RIPOR3: variants seen among roughly 807,000 people sequenced by gnomAD.
The protein encoded by RIPOR3 is RIPOR family member 3.
RIPOR3 carries 95 observed loss-of-function variants against 114.3 expected under a neutral mutation model. The observed-to-expected ratio is 0.83, with a 90% CI of 0.70 to 0.99. The LOEUF (loss-of-function observed/expected upper bound fraction) is 0.99. Among genes scored for constraint, RIPOR3 ranks in the 50% least tolerant of loss-of-function variants. The pLI is 0.00. For synonymous variants in RIPOR3, 575 were observed against 543.8 expected (o/e 1.06, Z -0.80); for missense variants, 1,252 against 1,266.9 (o/e 0.99, Z 0.18).
At chr20:50,591,225 T>C (rs145337621) in intron 19 of RIPOR3, among the ~76,000 whole-genome samples, 117 of 152,326 alleles carry the variant, frequency 7.7e-4, no homozygotes, top group African/African-American at 2.6e-3. Flanking sequence ...GGCTTGGAAA[T>C]TTGAACATAA....
intron 1 of RIPOR3, among the ~76,000 whole-genome samples, chr20:50,653,756 C>T (rs1361115735): frequency 6.6e-6 from 1 of 151,922 alleles, no homozygotes; most frequent in Non-Finnish European, 1.5e-5. Context: ...CACTTGGCTA[C>T]TTTTTGAATT....
At chr20:50,611,002 G>C in intron 5 of RIPOR3, 96 bp from the exon 6 acceptor site, 1 of 579,536 alleles carries the variant, frequency 1.7e-6, no homozygotes, top group African/African-American at 7.0e-5. Context: ...CTAACTCAGA[G>C]AATGGGGCCC....
rs1396467110 is a variant in RIPOR3, at chr20:50,596,343, A to C, written c.1791-80T>G. The stretch of plus-strand genomic sequence containing the variant: ...GAGGGTGGGGGAACCCTCCCTTCCC[A>C]GCGAGCCCCAGGTCAGGAGGCCCAC... On this transcript the variant is annotated intron_variant, in intron 14 of 21. Coordinates refer to ENST00000327979, the MANE Select transcript of RIPOR3 (RefSeq NM_001290268.2). 7 of 1,583,764 alleles carry C rather than the reference A, an allele frequency of 4.4e-6. No homozygotes were observed. In the East Asian group the frequency reaches 1.1e-4, roughly 25 times the overall value.
chr20:50,598,686 C>G (rs2083388411), intron 13 of RIPOR3, among the ~76,000 whole-genome samples: 1 of 152,132 alleles, frequency 6.6e-6, no homozygotes, highest in Admixed American at 6.5e-5. Context: ...GGGCAGATCA[C>G]TTGAGGTCAG....
chr20:50,623,154 G>A (rs776227101), intron 2 of RIPOR3, among the ~76,000 whole-genome samples: 10 of 151,620 alleles, frequency 6.6e-5, no homozygotes, highest in Non-Finnish European at 7.4e-5. Flanking sequence ...CCAGCTACTC[G>A]GGAGGCTGAG....
chr20:50,682,609 A>T (rs2086892800), intron 1 of RIPOR3, among the ~76,000 whole-genome samples: 1 of 13,388 alleles, frequency 7.5e-5, no homozygotes, highest in Admixed American at 1.3e-3. Flanking sequence ...CCTGTCTCAA[A>T]ATATGTGTGT....
At chr20:50,595,218 G>A in intron 16 of RIPOR3, 151 bp downstream of exon 16, 1 of 974,038 alleles carries the variant, frequency 1.0e-6, no homozygotes, top group Non-Finnish European at 1.5e-6. Context: ...CCCACAAAGA[G>A]TGTGTATCTC....
intron 1 of RIPOR3, 109 bp downstream of exon 1, chr20:50,691,017 A>C: frequency 7.9e-7 from 1 of 1,263,632 alleles, no homozygotes; most frequent in South Asian, 1.2e-5. Context: ...TGGGAGCTCC[A>C]GGTGGCCTGT....
intron 1 of RIPOR3, among the ~76,000 whole-genome samples, chr20:50,632,144 A>G (rs1211903383): frequency 6.6e-6 from 1 of 152,086 alleles, no homozygotes; most frequent in Non-Finnish European, 1.5e-5. Flanking sequence ...AGATCTGTGC[A>G]GCCTCCACAA....
chr20:50,609,704 C>G lies in RIPOR3; in HGVS notation c.445G>C (p.Asp149His). 7.2e-7 allele frequency: 1 copy of G among 1,381,500 alleles called. No individual in the cohort carries two copies. Among genetic ancestry groups the G allele is most frequent in the Non-Finnish European group, 9.4e-7 (1 of 1,065,838 alleles). The allele number at this position is 1,381,500 out of a possible 1,614,324, so 85.6% of individuals were successfully genotyped here. A position where few individuals can be genotyped will look rare whatever the true frequency, so the allele number is the denominator to read the frequency against. ...HISKVDELYEDYCIQCRLRDG... is the reference protein window; with the variant it reads ...HISKVDELYEHYCIQCRLRDG... ...CGCAGGCGGCACTGGATGCAGTAGT[C>G]CTCGTACAGCTCATCCACCTGTGGT... The change falls in exon 7 of 22, where the codon GAC (aspartate) becomes CAC (histidine). Residue 149 changes from aspartate (D) to histidine (H), a missense_variant. Asp to His is a moderately conservative substitution (Grantham distance 81). Coordinates refer to ENST00000327979, the MANE Select transcript of RIPOR3 (RefSeq NM_001290268.2).
intron 13 of RIPOR3, among the ~76,000 whole-genome samples, chr20:50,598,191 A>T (rs1156864478): frequency 6.6e-6 from 1 of 150,908 alleles, no homozygotes. Context: ...GGTGTAGGTC[A>T]GGCAAACGCT....
At chr20:50,641,586 C>T (rs1446058940) in intron 1 of RIPOR3, among the ~76,000 whole-genome samples, 4 of 152,152 alleles carry the variant, frequency 2.6e-5, no homozygotes, top group Non-Finnish European at 4.4e-5. Context: ...CCAAGATGCT[C>T]GGTGCCCAGG....
rs73272565 is a variant in RIPOR3, at chr20:50,609,830, C to T, written c.427-108G>A. The T allele has an allele frequency of 1.5e-3, 1,948 of 1,263,064 alleles. 30 individuals are homozygous for T. In the African/African-American group the frequency reaches 0.026, roughly 17 times the overall value. The allele number at this position is 1,263,064 out of a possible 1,614,324, so 78.2% of individuals were successfully genotyped here. On this transcript the variant is annotated intron_variant, in intron 6 of 21. Transcript: ENST00000327979. ...GAGGCCCTCCCTGAGCTAAGCACCC[C>T]GCTAGCCCAGCCCATGGTGACAGTC... is the stretch of plus-strand genomic sequence containing the variant.
At position 50,610,912 on chromosome 20, in the gene RIPOR3, C is replaced by T. The variant is rs767315954; in HGVS notation, c.373-6G>A. On this transcript the variant is annotated splice_region_variant and splice_polypyrimidine_tract_variant and intron_variant, in intron 5 of 21. Coordinates refer to ENST00000327979, the MANE Select transcript of RIPOR3 (RefSeq NM_001290268.2). ...CTTTCCACACAGCGCGTTTGCTTCT[C>T]CCGGAAAAAGGGAAGATGTTTGCAA... 4 of 1,614,050 alleles carry T rather than the reference C, an allele frequency of 2.5e-6. No homozygotes were observed. Among genetic ancestry groups the T allele is most frequent in the Non-Finnish European group, 3.4e-6 (4 of 1,180,024 alleles).
chr20:50,671,422 GCGCGCGCA>G (rs1468430860), intron 1 of RIPOR3, among the ~76,000 whole-genome samples: 370 of 18,884 alleles, frequency 0.02, 2 homozygotes, highest in African/African-American at 0.03. Context: ...GCGTGCACGC[GCGCGCGCA>G]CACACACACA....
intron 1 of RIPOR3, among the ~76,000 whole-genome samples, chr20:50,652,572 CAGAG>C (rs1338036958): frequency 9.1e-6 from 1 of 110,140 alleles, no homozygotes; most frequent in Non-Finnish European, 1.7e-5. Context: ...GCCTGGGCGA[CAGAG>C]AGAGATTCTG....
rs143013847 is a variant in RIPOR3 at position 50,630,215 on chromosome 20, G to A, written c.122+523C>T. On this transcript the variant is annotated intron_variant, in intron 2 of 21. Transcript: ENST00000327979. ...ACTTCTGACCTCAAGTGATCCGCCCGCCTTGGACTCCCAAAGTGCTAGGAT... is the reference window on the plus strand; with the variant it reads ...ACTTCTGACCTCAAGTGATCCGCCCACCTTGGACTCCCAAAGTGCTAGGAT... Among the ~76,000 whole-genome samples the A allele has an allele frequency of 6.4e-3, 974 of 152,208 alleles. 4 individuals are homozygous for A. Among genetic ancestry groups the A allele is most frequent in the Non-Finnish European group, 0.011 (779 of 68,014 alleles).
Position 50,588,765 on chromosome 20 carries a change from A to G in RIPOR3, c.2662-873T>C, listed in dbSNP as rs569948997. On this transcript the variant is annotated intron_variant, in intron 20 of 21. Coordinates refer to ENST00000327979, the MANE Select transcript of RIPOR3 (RefSeq NM_001290268.2). ...TTCTCAAGTGAAAAAAAAAAAAAAA[A>G]AAAGAAAAAAAACACCACAAATAAA... Among the ~76,000 whole-genome samples the G allele has an allele frequency of 1.1e-3, 165 of 150,696 alleles. 2 individuals carry two copies. Among genetic ancestry groups the G allele is most frequent in the African/African-American group, 2.9e-3 (120 of 40,886 alleles).
Position 50,691,316 on chromosome 20 carries a change from G to A in RIPOR3, c.-188C>T, listed in dbSNP as rs2087206539. 6 of 641,180 alleles carry A rather than the reference G, an allele frequency of 9.4e-6. No homozygotes were observed. The highest frequency in any genetic ancestry group is 3.5e-5 in the South Asian group (2 of 56,442). The allele number at this position is 641,180 out of a possible 1,614,324, so 39.7% of individuals were successfully genotyped here. A position where few individuals can be genotyped will look rare whatever the true frequency, so the allele number is the denominator to read the frequency against. On this transcript the variant is annotated 5_prime_UTR_variant, in exon 1 of 22. Transcript: ENST00000327979. ...CCGCTCTCTGGGAAGATCGCCTTGA[G>A]GACCTGCTGCGCCCCGAGTCTTCCT...
Sources: allele counts gnomAD v4.1 joint callset (sites outside exome capture counted in the v4.1 genomes callset), GRCh38; gene constraint gnomAD v4.1.1; transcripts MANE v1.5; gene names NCBI Gene and HGNC (gene_info 2026-07-23, HGNC 2026-07-21).